The following TPD52 variants were observed in gnomAD, a reference collection of about 807,000 sequenced individuals.
TPD52 encodes the protein tumor protein D52.
Under a neutral mutation model 31.3 loss-of-function variants are expected in TPD52, and 17 were observed. The observed-to-expected ratio is 0.54, with a 90% CI of 0.37 to 0.82. The LOEUF is 0.82. Ranked by LOEUF, TPD52 falls within the 40% of genes least tolerant of loss-of-function variation. The pLI is 0.00. For synonymous variants in TPD52, 83 were observed against 89.6 expected, an observed-to-expected ratio of 0.93 and a Z score of 0.42; for missense variants, 212 against 240.1, an observed-to-expected ratio of 0.88 and a Z score of 0.77.
chr8:80,048,682 C>T (rs1427795181), intron 5 of TPD52, among the ~76,000 whole-genome samples: 2 of 152,200 alleles, frequency 1.3e-5, no homozygotes, highest in Non-Finnish European at 2.9e-5. Flanking sequence ...TAAATCAGAA[C>T]ACAATCAGGA....
At chr8:80,152,357 G>T (rs984677862) in intron 1 of TPD52, among the ~76,000 whole-genome samples, 4 of 152,138 alleles carry the variant, frequency 2.6e-5, no homozygotes, top group African/African-American at 9.7e-5. Context: ...AGCACCAAAG[G>T]AGGTGTGAAA....
intron 1 of TPD52, among the ~76,000 whole-genome samples, chr8:80,071,627 C>T (rs1813797644): frequency 1.3e-5 from 2 of 152,260 alleles, no homozygotes; most frequent in South Asian, 4.2e-4. Context: ...TTTTTCTCTT[C>T]CTACCTCTCT....
intron 1 of TPD52, among the ~76,000 whole-genome samples, chr8:80,069,504 G>A (rs1301210038): frequency 6.7e-6 from 1 of 148,216 alleles, no homozygotes; most frequent in African/African-American, 2.5e-5. Context: ...AATTTTTAGG[G>A]GGCTGGGCAT....
chr8:80,155,313 T>C (rs920722227), intron 1 of TPD52, among the ~76,000 whole-genome samples: 7 of 152,130 alleles, frequency 4.6e-5, no homozygotes, highest in Non-Finnish European at 1.0e-4. Context: ...CCTATTCCAG[T>C]GATTTGAGGT....
At chr8:80,138,104 C>T (rs1052232179) in intron 1 of TPD52, among the ~76,000 whole-genome samples, 15 of 151,970 alleles carry the variant, frequency 9.9e-5, no homozygotes, top group South Asian at 4.1e-4. Flanking sequence ...CCACCACGCC[C>T]GGCTAATTTT....
chr8:80,147,507 G>A (rs1810277408), intron 1 of TPD52, among the ~76,000 whole-genome samples: 1 of 152,212 alleles, frequency 6.6e-6, no homozygotes, highest in Non-Finnish European at 1.5e-5. Flanking sequence ...AGGACAGCTA[G>A]CTACCAAAGG....
chr8:80,075,889 G>C (rs1371865090), intron 1 of TPD52, among the ~76,000 whole-genome samples: 2 of 152,124 alleles, frequency 1.3e-5, no homozygotes, highest in Non-Finnish European at 2.9e-5. Context: ...TTAAGAAGTG[G>C]TAACCACTTC....
At chr8:80,064,668 T>A in intron 1 of TPD52, 75 bp from the exon 2 acceptor site, 1 of 1,067,544 alleles carries the variant, frequency 9.4e-7, no homozygotes, top group Non-Finnish European at 1.5e-6. Context: ...TCCACTGTCC[T>A]AGCCAGAATA....
chr8:80,144,564 G>A (rs756180779), intron 1 of TPD52, among the ~76,000 whole-genome samples: 8 of 152,124 alleles, frequency 5.3e-5, no homozygotes, highest in South Asian at 4.1e-4. Flanking sequence ...TAACAGATAG[G>A]TGCCTCCTCT....
chr8:80,114,908 T>C (rs1403422507), intron 1 of TPD52, among the ~76,000 whole-genome samples: 3 of 152,222 alleles, frequency 2.0e-5, no homozygotes, highest in Non-Finnish European at 4.4e-5. Flanking sequence ...CCATCTTCCA[T>C]GCTTCCATAT....
downstream of TPD52, among the ~76,000 whole-genome samples, chr8:80,034,222 AG>A (rs1409471449): frequency 6.6e-6 from 1 of 151,974 alleles, no homozygotes; most frequent in Non-Finnish European, 1.5e-5. Context: ...TCCGAACTGG[AG>A]CAGGCACTTC....
At chr8:80,083,430 C>G (rs1401443076) in intron 1 of TPD52, among the ~76,000 whole-genome samples, 1 of 152,166 alleles carries the variant, frequency 6.6e-6, no homozygotes, top group Non-Finnish European at 1.5e-5. Flanking sequence ...AAGGGCGGGA[C>G]CAGGTGGAGT....
At chr8:80,078,528 T>A (rs982100543) in intron 1 of TPD52, among the ~76,000 whole-genome samples, 1 of 152,232 alleles carries the variant, frequency 6.6e-6, no homozygotes, top group Non-Finnish European at 1.5e-5. Context: ...AGACTTCTTA[T>A]GCCCTGAGGG....
chr8:80,106,926 A>T (rs1328349416), intron 1 of TPD52, among the ~76,000 whole-genome samples: 1 of 149,914 alleles, frequency 6.7e-6, no homozygotes, highest in Non-Finnish European at 1.5e-5. Context: ...ATCTCAGCTC[A>T]CTGCAAGATC....
chr8:80,080,572 A>G (rs1321072935), intron 1 of TPD52: 2 of 1,440,548 alleles, frequency 1.4e-6, no homozygotes, highest in South Asian at 1.6e-5. Context: ...CAACCCCAGG[A>G]GTTAGAGGCC....
chr8:80,080,283 A>G, intron 1 of TPD52: 1 of 1,603,170 alleles, frequency 6.2e-7, no homozygotes, highest in Non-Finnish European at 8.5e-7. Flanking sequence ...TTTTATTCCA[A>G]GCAAACTTAA....
intron 1 of TPD52, among the ~76,000 whole-genome samples, chr8:80,148,088 A>C (rs140545116): frequency 4.4e-4 from 67 of 152,268 alleles, no homozygotes; most frequent in African/African-American, 1.6e-3. Flanking sequence ...TATTGCTGTA[A>C]GTCAGGTTCC....
At chr8:80,106,953 A>G (rs1015843837) in intron 1 of TPD52, among the ~76,000 whole-genome samples, 9 of 149,528 alleles carry the variant, frequency 6.0e-5, no homozygotes, top group African/African-American at 1.7e-4. Context: ...CCGGGTTCAC[A>G]CCATTCTCCT....
chr8:80,049,624 A>G (rs1337381789), intron 5 of TPD52, among the ~76,000 whole-genome samples: 2 of 152,148 alleles, frequency 1.3e-5, no homozygotes, highest in Admixed American at 6.5e-5. Context: ...GAAGACTACT[A>G]TATCATCCTT....
Sources: allele counts gnomAD v4.1 joint callset (sites outside exome capture counted in the v4.1 genomes callset), GRCh38; gene constraint gnomAD v4.1.1; transcripts MANE v1.5; gene names NCBI Gene and HGNC (gene_info 2026-07-23, HGNC 2026-07-21).